Variants in TMEM117 observed in about 807,000 individuals in gnomAD.
TMEM117 encodes transmembrane protein 117.
A neutral mutation model predicts 52.4 loss-of-function variants in TMEM117; 27 were observed. The observed-to-expected ratio is 0.51, with a 90% CI of 0.38 to 0.71. The LOEUF is 0.71. Ranked by LOEUF, TMEM117 falls within the 30% of genes least tolerant of loss-of-function variation. The pLI, the probability that TMEM117 is intolerant of heterozygous loss-of-function variation, is 0.00. For synonymous variants in TMEM117, 215 were observed against 206.3 expected, an observed-to-expected ratio of 1.04 and a Z score of -0.36; for missense variants, 556 against 630.5, an observed-to-expected ratio of 0.88 and a Z score of 1.26.
intron 2 of TMEM117, among the ~76,000 whole-genome samples, chr12:43,889,283 A>G (rs983544603): frequency 6.6e-6 from 1 of 152,114 alleles, no homozygotes; most frequent in Non-Finnish European, 1.5e-5. Flanking sequence ...GGGTTTCACC[A>G]TGTTGGCCAG....
chr12:43,985,504 T>C (rs1235915406), intron 3 of TMEM117, among the ~76,000 whole-genome samples: 3 of 152,168 alleles, frequency 2.0e-5, no homozygotes, highest in African/African-American at 4.8e-5. Flanking sequence ...AGCATAACTT[T>C]TTACATATTA....
intron 2 of TMEM117, among the ~76,000 whole-genome samples, chr12:43,919,057 G>T (rs1472427086): frequency 2.0e-5 from 3 of 152,056 alleles, no homozygotes; most frequent in Non-Finnish European, 4.4e-5. Context: ...CTTCGGTGTT[G>T]TATCTCCAGC....
intron 1 of TMEM117, among the ~76,000 whole-genome samples, chr12:43,839,448 C>T (rs1439662456): frequency 6.6e-6 from 1 of 152,168 alleles, no homozygotes; most frequent in Non-Finnish European, 1.5e-5. Flanking sequence ...TTAATTTGCT[C>T]TAAATGTGCA....
chr12:43,980,477 G>A (rs1199034358), intron 3 of TMEM117, among the ~76,000 whole-genome samples: 1 of 152,132 alleles, frequency 6.6e-6, no homozygotes, highest in Non-Finnish European at 1.5e-5. Flanking sequence ...CTGAGGCTGT[G>A]GTAGCTTTAA....
At chr12:44,229,742 A>G (rs1949909482) in intron 5 of TMEM117, among the ~76,000 whole-genome samples, 1 of 152,088 alleles carries the variant, frequency 6.6e-6, no homozygotes, top group Admixed American at 6.6e-5. Flanking sequence ...ATCCTTTGGG[A>G]GCCATAATTA....
chr12:44,019,209 C>T (rs1353526812), intron 3 of TMEM117, among the ~76,000 whole-genome samples: 1 of 151,602 alleles, frequency 6.6e-6, no homozygotes, highest in East Asian at 1.9e-4. Context: ...CTAGTGTGAC[C>T]AGACCATCAT....
intron 2 of TMEM117, among the ~76,000 whole-genome samples, chr12:43,941,596 A>T (rs1271204808): frequency 6.6e-6 from 1 of 152,180 alleles, no homozygotes; most frequent in Non-Finnish European, 1.5e-5. Context: ...CTATGTGTAT[A>T]TGTTTCTAAC....
intron 3 of TMEM117, among the ~76,000 whole-genome samples, chr12:43,986,555 T>TA (rs1945850501): frequency 6.6e-6 from 1 of 152,192 alleles, no homozygotes; most frequent in South Asian, 2.1e-4. Flanking sequence ...ACAGTACATC[T>TA]AAATGTGGAT....
At chr12:44,010,253 C>T (rs895026748) in intron 3 of TMEM117, 5 of 461,416 alleles carry the variant, frequency 1.1e-5, no homozygotes, top group Non-Finnish European at 2.2e-5. Context: ...AGTAGATCTT[C>T]CTAAGAGCAC....
At chr12:44,167,867 T>C (rs1329281507) in intron 4 of TMEM117, among the ~76,000 whole-genome samples, 1 of 152,156 alleles carries the variant, frequency 6.6e-6, no homozygotes, top group Non-Finnish European at 1.5e-5. Flanking sequence ...CCCAGCACAG[T>C]CAGAACTACA....
intron 2 of TMEM117, among the ~76,000 whole-genome samples, chr12:43,900,504 G>A (rs1944285882): frequency 6.6e-6 from 1 of 151,988 alleles, no homozygotes; most frequent in Admixed American, 6.6e-5. Context: ...TGGATCACAA[G>A]GTCAGGAGTT....
chr12:44,109,933 A>T lies in TMEM117; in HGVS notation c.411-33592A>T, dbSNP rs1299743312. On this transcript the variant is annotated intron_variant, in intron 3 of 7. Coordinates refer to ENST00000266534, the MANE Select transcript of TMEM117 (RefSeq NM_032256.3). The stretch of plus-strand genomic sequence containing the variant: ...GAAGAGGTCCTTCACATCCCTTGTA[A>T]GTTGGATTCCTAGGTATTTTATTCT... 4.8e-3 allele frequency among the ~76,000 whole-genome samples: 403 copies of T among 84,778 alleles called. 4 individuals carry two copies. The highest frequency in any genetic ancestry group is 7.4e-3 in the Non-Finnish European group (340 of 46,164). 55.6% of individuals were successfully genotyped at this position (84,778 alleles called of 152,430 possible). A position where few individuals can be genotyped will look rare whatever the true frequency, so the allele number is the denominator to read the frequency against.
intron 4 of TMEM117, among the ~76,000 whole-genome samples, chr12:44,181,936 A>G (rs1949206225): frequency 6.6e-6 from 1 of 152,060 alleles, no homozygotes; most frequent in Admixed American, 6.6e-5. Flanking sequence ...TCTGTAAATT[A>G]CCTTGGGCAG....
intron 5 of TMEM117, among the ~76,000 whole-genome samples, chr12:44,220,656 AAATGACTGATTCT>A (rs1297987708): frequency 6.6e-6 from 1 of 151,956 alleles, no homozygotes; most frequent in East Asian, 1.9e-4. Context: ...CTCTTTGGAG[AAATGACTGATTCT>A]AAATCTGGGG....
intron 6 of TMEM117, among the ~76,000 whole-genome samples, chr12:44,333,733 A>G (rs548500045): frequency 1.4e-4 from 21 of 152,130 alleles, no homozygotes; most frequent in African/African-American, 4.8e-4. Context: ...AGTTTTTGAT[A>G]GCAGCATGAG....
intron 2 of TMEM117, among the ~76,000 whole-genome samples, chr12:43,927,532 C>T (rs1944799333): frequency 6.6e-6 from 1 of 150,924 alleles, no homozygotes; most frequent in African/African-American, 2.4e-5. Flanking sequence ...TAAATTCCTT[C>T]CTGTAGTTTA....
intron 5 of TMEM117, among the ~76,000 whole-genome samples, chr12:44,292,005 T>C (rs1950711348): frequency 6.6e-6 from 1 of 152,018 alleles, no homozygotes. Context: ...CTTCTTAAAA[T>C]GAGATTGGAG....
At chr12:44,080,310 C>A (rs966729457) in intron 3 of TMEM117, among the ~76,000 whole-genome samples, 1 of 151,970 alleles carries the variant, frequency 6.6e-6, no homozygotes, top group Non-Finnish European at 1.5e-5. Context: ...CTTCACATGG[C>A]GACAGCAAGG....
Position 43,861,793 on chromosome 12 carries a change from GAAT to G in TMEM117, c.277+16877_277+16879del, listed in dbSNP as rs373972499. Among the ~76,000 whole-genome samples the G allele has an allele frequency of 8.1e-3, 1,223 of 151,572 alleles. 16 individuals carry two copies. The highest frequency in any genetic ancestry group is 0.027 in the African/African-American group (1,119 of 41,338). ...TTCTATGCACTAGGGATACAGTGGTGAATAATAATAATAACAAAACACTCAAGA... is the reference window on the plus strand; with the variant it reads ...TTCTATGCACTAGGGATACAGTGGTGAATAATAATAACAAAACACTCAAGA... On this transcript the variant is annotated intron_variant, in intron 2 of 7. Coordinates refer to ENST00000266534, the MANE Select transcript of TMEM117 (RefSeq NM_032256.3).
Sources: gnomAD v4.1 joint callset for allele counts (sites outside exome capture counted in the v4.1 genomes callset) on GRCh38, gnomAD v4.1.1 for gene constraint, MANE v1.5 for transcripts, NCBI Gene and HGNC (gene_info 2026-07-23, HGNC 2026-07-21) for gene names.